The following AP4E1 variants were observed in gnomAD, a reference collection of about 807,000 sequenced individuals.
AP4E1 encodes the protein adaptor related protein complex 4 subunit epsilon 1.
A neutral mutation model predicts 128.2 loss-of-function variants in AP4E1; 56 were observed. The ratio of observed to expected loss-of-function variants is 0.44; its 90% CI spans 0.35 to 0.55. AP4E1 has a LOEUF of 0.55. Ranked by LOEUF, AP4E1 falls within the 20% of genes least tolerant of loss-of-function variation. The pLI, the probability that AP4E1 is intolerant of heterozygous loss-of-function variation, is 0.00. For missense variants in AP4E1, 1,324 were observed against 1,307.7 expected, an observed-to-expected ratio of 1.01 and a Z score of -0.19; for synonymous variants, 484 against 473.1, an observed-to-expected ratio of 1.02 and a Z score of -0.30.
chr15:50,958,862 T>A, intron 14 of AP4E1, 68 bp downstream of exon 14: 1 of 1,491,866 alleles, frequency 6.7e-7, no homozygotes, highest in Non-Finnish European at 9.3e-7. Context: ...CTTGCATTTG[T>A]GACATATCAG....
intron 7 of AP4E1, among the ~76,000 whole-genome samples, chr15:50,933,144 C>T (rs2063856884): frequency 6.6e-6 from 1 of 152,056 alleles, no homozygotes; most frequent in Admixed American, 6.5e-5. Context: ...TAGTCCTTAC[C>T]TTCACAGCAC....
intron 8 of AP4E1, among the ~76,000 whole-genome samples, chr15:50,938,643 C>T (rs117605091): frequency 0.017 from 2,581 of 152,124 alleles, 29 homozygotes; most frequent in Non-Finnish European, 0.026. Context: ...GGCCAGGGTT[C>T]GGAGGCGTGG....
intron 3 of AP4E1, among the ~76,000 whole-genome samples, chr15:50,917,375 C>T (rs980600624): frequency 2.6e-5 from 4 of 152,168 alleles, no homozygotes; most frequent in Non-Finnish European, 5.9e-5. Flanking sequence ...CTTTTCATCG[C>T]ATTTCTTTTA....
At chr15:50,934,560 GA>G (rs2063881313) in intron 7 of AP4E1, 63 bp from the exon 8 acceptor site, 5 of 1,165,934 alleles carry the variant, frequency 4.3e-6, no homozygotes, top group Non-Finnish European at 6.4e-6. Context: ...AGAGAAGTTT[GA>G]AAAACTGTTT....
At chr15:50,920,078 A>ACT (rs2063678914) in intron 3 of AP4E1, among the ~76,000 whole-genome samples, 1 of 147,282 alleles carries the variant, frequency 6.8e-6, no homozygotes, top group African/African-American at 2.5e-5. Flanking sequence ...ATATGTCTAA[A>ACT]AAAAAAAAAA....
chr15:50,926,906 G>A (rs918463801), intron 5 of AP4E1, among the ~76,000 whole-genome samples: 2 of 152,154 alleles, frequency 1.3e-5, no homozygotes, highest in Non-Finnish European at 2.9e-5. Flanking sequence ...TATACTTTAA[G>A]AAATATTGAA....
At chr15:50,984,757 G>A (rs1426831970) in intron 16 of AP4E1, among the ~76,000 whole-genome samples, 29 of 152,106 alleles carry the variant, frequency 1.9e-4, no homozygotes, top group African/African-American at 6.5e-4. Flanking sequence ...GAATAGTGCC[G>A]CAGTAAACAT....
chr15:50,972,840 T>TGG (rs1270239191), intron 15 of AP4E1, among the ~76,000 whole-genome samples: 3 of 152,104 alleles, frequency 2.0e-5, no homozygotes, highest in African/African-American at 7.2e-5. Flanking sequence ...GCCTTGGGGA[T>TGG]GGGGGGCATG....
chr15:50,908,563 C>A, upstream of AP4E1: 1 of 519,644 alleles, frequency 1.9e-6, no homozygotes, highest in Non-Finnish European at 3.1e-6. Context: ...CGCGCAATCT[C>A]GAGCGAGCGG....
intron 15 of AP4E1, among the ~76,000 whole-genome samples, chr15:50,973,094 A>G (rs1453677344): frequency 1.3e-5 from 2 of 152,236 alleles, no homozygotes; most frequent in Non-Finnish European, 2.9e-5. Context: ...GGATGGTAGA[A>G]GGGAAGTATG....
At position 50,963,284 on chromosome 15, in the gene AP4E1, T is replaced by A. The variant is rs537132746; in HGVS notation, c.1851+4490T>A. 4.6e-5 allele frequency among the ~76,000 whole-genome samples: 7 copies of A among 152,308 alleles called. No individual in the cohort carries two copies. The South Asian group carries it at 1.5e-3, about 32-fold the overall frequency. ...AAAGGAAATCATTATTTCAAAGGTA[T>A]ACCTGCACCCCCATGTTCACTGCAG... On this transcript the variant is annotated intron_variant, in intron 14 of 20. Coordinates refer to ENST00000261842, the MANE Select transcript of AP4E1 (RefSeq NM_007347.5).
intron 14 of AP4E1, among the ~76,000 whole-genome samples, chr15:50,959,017 G>A (rs2064273336): frequency 6.6e-6 from 1 of 152,116 alleles, no homozygotes; most frequent in South Asian, 2.1e-4. Flanking sequence ...TTTGAGACCA[G>A]CCTGACCAAC....
chr15:50,977,934 C>T (rs1014651946), intron 15 of AP4E1, among the ~76,000 whole-genome samples: 4 of 152,098 alleles, frequency 2.6e-5, no homozygotes, highest in Middle Eastern at 3.4e-3. Context: ...GTCTCAAATT[C>T]CTGACCTCAA....
chr15:50,958,256 T>C (rs886344964), intron 13 of AP4E1, among the ~76,000 whole-genome samples: 1 of 152,238 alleles, frequency 6.6e-6, no homozygotes, highest in East Asian at 1.9e-4. Flanking sequence ...CAGAAACTTG[T>C]AAAGGTATGC....
Position 50,916,698 on chromosome 15 carries a change from A to C in AP4E1, c.346+1127A>C, listed in dbSNP as rs555764104. ...TGGAACCCTACTCCGCCCAAAACAC[A>C]CTTAGATCTTTTAAACTTGTTATAT... On this transcript the variant is annotated intron_variant, in intron 3 of 20. Coordinates refer to ENST00000261842, the MANE Select transcript of AP4E1 (RefSeq NM_007347.5). Among the ~76,000 whole-genome samples the C allele has an allele frequency of 5.9e-5, 9 of 152,248 alleles. No individual in the cohort carries two copies. The South Asian group carries it at 1.0e-3, about 18-fold the overall frequency.
chr15:50,911,365 T>G (rs2063564230), intron 1 of AP4E1, among the ~76,000 whole-genome samples: 1 of 152,192 alleles, frequency 6.6e-6, no homozygotes, highest in Non-Finnish European at 1.5e-5. Context: ...GTTTCTGCTT[T>G]CTTACCCTGT....
At position 50,923,799 on chromosome 15, in the gene AP4E1, A is replaced by G. The variant is rs2063736429; in HGVS notation, c.347-132A>G. 1.3e-5 allele frequency: 9 copies of G among 696,300 alleles called. No homozygotes were observed. The East Asian group carries it at 2.4e-4, about 19-fold the overall frequency. The allele number at this position is 696,300 out of a possible 1,614,324, so 43.1% of individuals were successfully genotyped here. A position where few individuals can be genotyped will look rare whatever the true frequency, so the allele number is the denominator to read the frequency against. On this transcript the variant is annotated intron_variant, in intron 3 of 20. Coordinates refer to ENST00000261842, the MANE Select transcript of AP4E1 (RefSeq NM_007347.5). ...TTCCTTACTGAAGGTTTTTAACCTTATATTTTGCAATTTGTGTTTCTGTTT... is the reference window on the plus strand; with the variant it reads ...TTCCTTACTGAAGGTTTTTAACCTTGTATTTTGCAATTTGTGTTTCTGTTT...
chr15:50,927,039 C>A (rs999161774), intron 5 of AP4E1, among the ~76,000 whole-genome samples: 6 of 152,078 alleles, frequency 3.9e-5, no homozygotes, highest in Non-Finnish European at 8.8e-5. Context: ...TGATTATGGA[C>A]AATTAATTAT....
chr15:50,968,455 TAAAG>T lies in AP4E1; in HGVS notation c.1966+80_1966+83del, dbSNP rs2064426907. 2.9e-5 allele frequency: 30 copies of T among 1,023,742 alleles called. No individual in the cohort carries two copies. In the South Asian group the frequency reaches 3.7e-4, roughly 13 times the overall value. 63.4% of individuals were successfully genotyped at this position (1,023,742 alleles called of 1,614,324 possible). On this transcript the variant is annotated intron_variant, in intron 15 of 20. Transcript: ENST00000261842. ...TATTATAGTCATGTAAGTAAATAAA[TAAAG>T]ATATTTACTTTCTATTATTTCTCTT...
Sources: gnomAD v4.1 joint callset for allele counts (sites outside exome capture counted in the v4.1 genomes callset) on GRCh38, gnomAD v4.1.1 for gene constraint, MANE v1.5 for transcripts, NCBI Gene and HGNC (gene_info 2026-07-23, HGNC 2026-07-21) for gene names.